BDNF: variants seen among roughly 807,000 people sequenced by gnomAD.
BDNF encodes brain derived neurotrophic factor.
Under a neutral mutation model 19.5 loss-of-function variants are expected in BDNF, and 1 was observed. The ratio of observed to expected loss-of-function variants is 0.05; its 90% CI spans 0.02 to 0.24. The LOEUF (loss-of-function observed/expected upper bound fraction) is 0.24. BDNF is among the 10% of genes least tolerant of loss of function. The pLI, the probability that BDNF is intolerant of heterozygous loss-of-function variation, is 1.00. For synonymous variants in BDNF, 100 were observed against 121.6 expected (o/e 0.82, Z 1.17); for missense variants, 195 against 317.6 (o/e 0.61, Z 2.93).
rs778185724 is a variant in BDNF at position 27,657,798 on chromosome 11, C to T, written c.*23G>A. The T allele has an allele frequency of 5.6e-6, 9 of 1,610,490 alleles. No homozygotes were observed. Among genetic ancestry groups the T allele is most frequent in the Non-Finnish European group, 7.6e-6 (9 of 1,176,930 alleles). ...TAGATAATTTTTGTCTCAATATAAT[C>T]TAATCTATACAACATAAATCCACTA... On this transcript the variant is annotated 3_prime_UTR_variant, in exon 2 of 2. Transcript: ENST00000356660. The surrounding 1 kb of genome is among the most constrained non-coding windows in gnomAD (Gnocchi z 5.0).
chr11:27,712,160 T>C (rs1860351846), intron 1 of BDNF, among the ~76,000 whole-genome samples: 1 of 152,212 alleles, frequency 6.6e-6, no homozygotes, highest in African/African-American at 2.4e-5. Flanking sequence ...CAATGGCTAA[T>C]GTTGACATTT....
rs1852606733 is a variant in BDNF, at chr11:27,656,787, GTTATT to G, written c.*1029_*1033del. 1 of 985,050 alleles carries G rather than the reference GTTATT, an allele frequency of 1.0e-6. No individual in the cohort carries two copies. The highest frequency in any genetic ancestry group is 1.2e-6 in the Non-Finnish European group (1 of 829,850). 61.0% of individuals were successfully genotyped at this position (985,050 alleles called of 1,614,324 possible). A position where few individuals can be genotyped will look rare whatever the true frequency, so the allele number is the denominator to read the frequency against. On this transcript the variant is annotated 3_prime_UTR_variant, in exon 2 of 2. Coordinates refer to ENST00000356660, the MANE Select transcript of BDNF (RefSeq NM_001709.5). ...CATAAAAAATAATCTTCATTTTGGG[GTTATT>G]TTTTGTTGTTTTCTGTTCTAAAAAA...
At chr11:27,697,096 G>GTT (rs1354347965) in intron 1 of BDNF, among the ~76,000 whole-genome samples, 1 of 149,494 alleles carries the variant, frequency 6.7e-6, no homozygotes, top group African/African-American at 2.5e-5. Flanking sequence ...ACAGTTCACA[G>GTT]TTCTCTCTCT....
At chr11:27,701,658 G>A (rs1254353383), upstream of BDNF, 3 of 977,532 alleles carry the variant, frequency 3.1e-6, no homozygotes, top group African/African-American at 1.8e-5. Context: ...GGGCTCCACG[G>A]TGCCTTGACG....
intron 1 of BDNF, among the ~76,000 whole-genome samples, chr11:27,693,215 A>G (rs1303778966): frequency 6.6e-6 from 1 of 152,196 alleles, no homozygotes; most frequent in Non-Finnish European, 1.5e-5. Flanking sequence ...TCTCCATTTC[A>G]GTATTATATT....
At chr11:27,659,639 G>GTGTGTA in intron 1 of BDNF, 1 of 998,058 alleles carries the variant, frequency 1.0e-6, no homozygotes, top group South Asian at 4.7e-5. Flanking sequence ...CTGTGTGTGT[G>GTGTGTA]TGTGTGTGTG....
chr11:27,707,721 C>T (rs138326507), intron 1 of BDNF, among the ~76,000 whole-genome samples: 53 of 152,260 alleles, frequency 3.5e-4, no homozygotes, highest in African/African-American at 1.2e-3. Flanking sequence ...GGTGAGAGTA[C>T]AGCCATTAAT....
In BDNF at chr11:27,658,419, G is replaced by C. The variant is rs1852850660; in HGVS notation, c.146C>G (p.Pro49Arg). Residue 49 changes from proline to arginine, a missense_variant, in exon 2 of 2, where the codon CCC becomes CGC. Pro to Arg is a moderately radical substitution (Grantham distance 103). Transcript: ENST00000356660. This position sits in a 1 kb window ranked among gnomAD's most constrained non-coding sequence, Gnocchi z 5.7. ...THGTLESVNG[P>R]KAGSRGLTSL... ...TGTCAAGCCTCTTGAACCTGCCTTG[G>C]GCCCATTCACGCTCTCCAGAGTCCC... is the stretch of plus-strand genomic sequence containing the variant. 1 of 1,614,020 alleles carries C rather than the reference G, an allele frequency of 6.2e-7. No homozygotes were observed. Among genetic ancestry groups the C allele is most frequent in the Admixed American group, 1.7e-5 (1 of 59,988 alleles).
In BDNF at chr11:27,657,024, C is replaced by T. The variant is rs966816549; in HGVS notation, c.*797G>A. The T allele has an allele frequency of 1.5e-5, 15 of 985,324 alleles. No homozygotes were observed. Among genetic ancestry groups the T allele is most frequent in the East Asian group, 2.3e-4 (2 of 8,824 alleles). The allele number at this position is 985,324 out of a possible 1,614,324, so 61.0% of individuals were successfully genotyped here. ...GTCAAAAGCAGCTTACTCTGACCAA[C>T]GCCCAAAGAATGAGCGGGGCCTGGG... On this transcript the variant is annotated 3_prime_UTR_variant, in exon 2 of 2. Transcript: ENST00000356660. This position sits in a 1 kb window ranked among gnomAD's most constrained non-coding sequence, Gnocchi z 5.0.
intron 1 of BDNF, among the ~76,000 whole-genome samples, chr11:27,695,206 ATTAC>A (rs896711795): frequency 6.6e-6 from 1 of 152,248 alleles, no homozygotes; most frequent in Middle Eastern, 3.4e-3. Context: ...AGGTGGCACT[ATTAC>A]TTCAATTTTT....
chr11:27,720,904 TACCGG>T, intron 1 of BDNF: 22 of 427,886 alleles, frequency 5.1e-5, no homozygotes, highest in East Asian at 1.4e-4. Context: ...GATTACCCAT[TACCGG>T]TGATATGCAC....
intron 1 of BDNF, chr11:27,719,444 C>G (rs1226760285): frequency 1.0e-6 from 1 of 986,030 alleles, no homozygotes; most frequent in African/African-American, 1.7e-5. Context: ...GCTCTTCGGT[C>G]CGGAAAGGAC....
At chr11:27,666,524 C>A (rs1442928915) in intron 1 of BDNF, among the ~76,000 whole-genome samples, 1 of 152,102 alleles carries the variant, frequency 6.6e-6, no homozygotes, top group Non-Finnish European at 1.5e-5. Flanking sequence ...AGCTAAAAAC[C>A]TTGAAAAAAC....
At chr11:27,699,466 C>A in intron 1 of BDNF, 1 of 1,614,126 alleles carries the variant, frequency 6.2e-7, no homozygotes, top group Non-Finnish European at 8.5e-7. Flanking sequence ...CCCCGAAAGT[C>A]AAAACTCTTA....
At chr11:27,702,486 G>A (rs908120700), upstream of BDNF, among the ~76,000 whole-genome samples, 2 of 152,278 alleles carry the variant, frequency 1.3e-5, no homozygotes, top group African/African-American at 2.4e-5. Flanking sequence ...GTGTGTGTGC[G>A]TTTTTCTGTA....
intron 1 of BDNF, among the ~76,000 whole-genome samples, chr11:27,673,054 A>T (rs1301288876): frequency 2.6e-5 from 4 of 152,074 alleles, no homozygotes; most frequent in Non-Finnish European, 5.9e-5. Flanking sequence ...ACAGAACCCT[A>T]TTTTCCCAGG....
intron 1 of BDNF, among the ~76,000 whole-genome samples, chr11:27,697,162 C>CAGAG (rs1271043342): frequency 0.12 from 14,591 of 124,662 alleles, 979 homozygotes; most frequent in East Asian, 0.26. Flanking sequence ...CACACACACA[C>CAGAG]ACAGAGAGAG....
chr11:27,717,685 C>T (rs1860566867), intron 1 of BDNF, among the ~76,000 whole-genome samples: 2 of 152,220 alleles, frequency 1.3e-5, no homozygotes, highest in African/African-American at 4.8e-5. Flanking sequence ...CCCTTCTTCT[C>T]TCCATCACCT....
intron 1 of BDNF, among the ~76,000 whole-genome samples, chr11:27,663,927 G>A (rs1261286943): frequency 6.6e-6 from 1 of 152,084 alleles, no homozygotes; most frequent in African/African-American, 2.4e-5. Context: ...AGACAATGTG[G>A]TCTTTTTCTA....
Sources: gnomAD v4.1 joint callset for allele counts (sites outside exome capture counted in the v4.1 genomes callset) on GRCh38, gnomAD v4.1.1 for gene constraint, Gnocchi (gnomAD v3.1) non-coding constraint, MANE v1.5 for transcripts, NCBI Gene and HGNC (gene_info 2026-07-23, HGNC 2026-07-21) for gene names.